Variants in IGSF10 observed in about 807,000 individuals in gnomAD.
The protein encoded by IGSF10 is calvaria mechanical force protein 608.
A neutral mutation model predicts 128.2 loss-of-function variants in IGSF10; 126 were observed. The ratio of observed to expected loss-of-function variants is 0.98; its 90% CI spans 0.85 to 1.14. The LOEUF (loss-of-function observed/expected upper bound fraction) is 1.14. IGSF10 is among the 50% of genes most tolerant of loss of function. The pLI, the probability that IGSF10 is intolerant of heterozygous loss-of-function variation, is 0.00. For missense variants in IGSF10, 3,295 were observed against 3,149.8 expected (o/e 1.05, Z -1.10); for synonymous variants, 1,185 against 1,146.2 (o/e 1.03, Z -0.68).
the IGSF10 span, among the ~76,000 whole-genome samples, chr3:151,570,159 A>G: frequency 6.6e-6 from 1 of 152,160 alleles, no homozygotes; most frequent in East Asian, 1.9e-4. Flanking sequence ...GTTGGTTCCA[A>G]GTCTTTGCTA....
At chr3:151,607,649 T>C in the IGSF10 span, among the ~76,000 whole-genome samples, 1 of 152,074 alleles carries the variant, frequency 6.6e-6, no homozygotes, top group Middle Eastern at 3.2e-3. Context: ...CGGTGGCTCA[T>C]GCCTGTAATC....
At chr3:151,575,881 T>C in the IGSF10 span, among the ~76,000 whole-genome samples, 1 of 152,212 alleles carries the variant, frequency 6.6e-6, no homozygotes, top group African/African-American at 2.4e-5. Context: ...TTTTCATCTT[T>C]ATCAAGGCTT....
At chr3:151,519,273 T>C in the IGSF10 span, among the ~76,000 whole-genome samples, 7 of 151,798 alleles carry the variant, frequency 4.6e-5, no homozygotes, top group African/African-American at 1.7e-4. Context: ...AGAGGCACAT[T>C]TTTCTGTGAA....
the IGSF10 span, among the ~76,000 whole-genome samples, chr3:151,545,940 T>C: frequency 1.3e-5 from 2 of 152,086 alleles, no homozygotes; most frequent in Non-Finnish European, 2.9e-5. Flanking sequence ...TATCCAAATG[T>C]TGCTCGCAGC....
the IGSF10 span, among the ~76,000 whole-genome samples, chr3:151,588,681 C>T: frequency 3.9e-5 from 6 of 152,158 alleles, no homozygotes; most frequent in Non-Finnish European, 8.8e-5. Context: ...GTCCTATATG[C>T]CCTGTTCCAG....
the IGSF10 span, among the ~76,000 whole-genome samples, chr3:151,531,343 C>T: frequency 6.6e-6 from 1 of 152,310 alleles, no homozygotes; most frequent in African/African-American, 2.4e-5. Flanking sequence ...ACCTAATAGA[C>T]ATCTACAGAA....
chr3:151,570,444 G>A, the IGSF10 span, among the ~76,000 whole-genome samples: 1 of 152,258 alleles, frequency 6.6e-6, no homozygotes, highest in South Asian at 2.1e-4. Flanking sequence ...GTGTGAGATG[G>A]TATCTCATTG....
At position 151,437,415 on chromosome 3, in the gene IGSF10, T is replaced by C. The variant is rs1016929140; in HGVS notation, c.7146A>G (p.Gly2382=). Residue 2382 remains glycine (G), a synonymous_variant, in exon 8 of 8, where the codon GGA becomes GGG. Transcript: ENST00000282466. The part of the protein sequence containing the change: ...ILPNGTRFSN[G]PQSYQYLIAS... ...CTATCAGATACTGATAACTTTGTGG[T>C]CCATTGGAAAATCGTGTGCCATTTG... 4 of 1,614,190 alleles carry C rather than the reference T, an allele frequency of 2.5e-6. No homozygotes were observed. The highest frequency in any genetic ancestry group is 1.7e-6 in the Non-Finnish European group (2 of 1,180,034).
the IGSF10 span, among the ~76,000 whole-genome samples, chr3:151,535,173 G>A: frequency 6.6e-6 from 1 of 152,038 alleles, no homozygotes; most frequent in South Asian, 2.1e-4. Context: ...ATTAAATCTA[G>A]TTATCATCCC....
chr3:151,443,332 G>C lies in IGSF10; in HGVS notation c.5615C>G (p.Pro1872Arg). The change falls in exon 7 of 8, where the codon CCC (proline) becomes CGC (arginine). Residue 1872 changes from proline to arginine, a missense_variant. Coordinates refer to ENST00000282466, the MANE Select transcript of IGSF10 (RefSeq NM_178822.5). ...LPCTAKGTPQPSVYWVLSDGT... is the reference protein window; with the variant it reads ...LPCTAKGTPQRSVYWVLSDGT... ...ATCAGAGAGGACCCAGTAAACGCTG[G>C]GCTGAGGAGTTCCTTTTGCAGTACA... The C allele has an allele frequency of 6.2e-7, 1 of 1,614,176 alleles. No individual in the cohort carries two copies.
At chr3:151,494,267 AAAGC>A in the IGSF10 span, among the ~76,000 whole-genome samples, 180 of 139,220 alleles carry the variant, frequency 1.3e-3, no homozygotes, top group Admixed American at 2.2e-3. Context: ...TCTGTGAAAT[AAAGC>A]AAAAAGAAGA....
intron 4 of IGSF10, 35 bp downstream of exon 4, chr3:151,456,970 ATCTCACAGGTCCCACCTTACC>A: frequency 6.3e-7 from 1 of 1,589,304 alleles, no homozygotes; most frequent in Non-Finnish European, 8.6e-7. Flanking sequence ...TTGAAGGTCT[ATCTCACAGGTCCCACCTTACC>A]TCTTTAACCT....
chr3:151,533,193 C>T, the IGSF10 span, among the ~76,000 whole-genome samples: 1 of 152,184 alleles, frequency 6.6e-6, no homozygotes, highest in Non-Finnish European at 1.5e-5. Flanking sequence ...ATTCCATGCT[C>T]ATGGATAGGA....
At chr3:151,608,472 C>G in the IGSF10 span, among the ~76,000 whole-genome samples, 1 of 152,166 alleles carries the variant, frequency 6.6e-6, no homozygotes, top group African/African-American at 2.4e-5. Flanking sequence ...GACCAATGAC[C>G]TAAGAGCAAA....
the IGSF10 span, among the ~76,000 whole-genome samples, chr3:151,580,710 G>A: frequency 2.0e-4 from 31 of 152,168 alleles, no homozygotes; most frequent in Non-Finnish European, 3.7e-4. Flanking sequence ...AGCTTACTGT[G>A]TGTACACTTA....
chr3:151,455,634 A>C (rs1721756313), intron 4 of IGSF10, among the ~76,000 whole-genome samples: 1 of 152,168 alleles, frequency 6.6e-6, no homozygotes, highest in South Asian at 2.1e-4. Flanking sequence ...TCCCTCTCAT[A>C]GCATGTATCA....
At chr3:151,546,826 A>C in the IGSF10 span, among the ~76,000 whole-genome samples, 1 of 152,046 alleles carries the variant, frequency 6.6e-6, no homozygotes, top group South Asian at 2.1e-4. Flanking sequence ...GCTGAAGCGC[A>C]ATGGTGCAAT....
At chr3:151,495,806 G>A in the IGSF10 span, among the ~76,000 whole-genome samples, 4 of 151,960 alleles carry the variant, frequency 2.6e-5, no homozygotes, top group African/African-American at 9.7e-5. Context: ...TCCTGAAACT[G>A]GTGAACTATT....
the IGSF10 span, among the ~76,000 whole-genome samples, chr3:151,575,189 G>A: frequency 2.6e-5 from 4 of 152,084 alleles, no homozygotes; most frequent in Admixed American, 6.5e-5. Context: ...TAGGCTACAC[G>A]GGGATCAGGG....
Sources: allele counts gnomAD v4.1 joint callset (sites outside exome capture counted in the v4.1 genomes callset), GRCh38; gene constraint gnomAD v4.1.1; transcripts MANE v1.5; gene names NCBI Gene and HGNC (gene_info 2026-07-23, HGNC 2026-07-21).